TMOD3: variants seen among roughly 807,000 people sequenced by gnomAD.
The protein encoded by TMOD3 is tropomodulin 3, also known as tropomodulin-3.
Under a neutral mutation model 39.2 loss-of-function variants are expected in TMOD3, and 20 were observed. The ratio of observed to expected loss-of-function variants is 0.51; its 90% CI spans 0.36 to 0.74. The LOEUF is 0.74. Ranked by LOEUF, TMOD3 falls within the 30% of genes least tolerant of loss-of-function variation. The pLI is 0.00. For missense variants in TMOD3, 381 were observed against 412.8 expected (o/e 0.92, Z 0.67); for synonymous variants, 143 against 145.8 (o/e 0.98, Z 0.14).
At chr15:51,833,241 A>G (rs923964225) in intron 1 of TMOD3, 5 of 152,246 alleles carry the variant, frequency 3.3e-5, no homozygotes, top group Admixed American at 2.6e-4. Flanking sequence ...TACAATGATC[A>G]AAGAATAGAA....
chr15:51,860,609 A>T, intron 1 of TMOD3: 2 of 549,198 alleles, frequency 3.6e-6, no homozygotes, highest in South Asian at 2.8e-5. Context: ...ATACCTTGCT[A>T]AGTTGAGTTT....
intron 9 of TMOD3, among the ~76,000 whole-genome samples, chr15:51,904,529 C>T (rs2056668218): frequency 6.6e-6 from 1 of 152,168 alleles, no homozygotes; most frequent in Non-Finnish European, 1.5e-5. Context: ...TGGAAACTAC[C>T]TTAACAAGCC....
rs1470666725 is a variant in TMOD3 at position 51,889,074 on chromosome 15, A to G, written c.425A>G (p.Asn142Ser). The stretch of plus-strand genomic sequence containing the variant: ...TTTATAGCAATTCTTGGGATGCACA[A>G]TTTGATAACGAATACAAAGTTCTGT... ...CDLAAILGMH[N>S]LITNTKFCNI... Residue 142 changes from asparagine to serine, a missense_variant, in exon 5 of 10, where the codon AAT (asparagine) becomes AGT (serine). Physicochemically the swap from Asn to Ser is conservative, Grantham distance 46. Coordinates refer to ENST00000308580, the MANE Select transcript of TMOD3 (RefSeq NM_014547.5). 2.5e-6 allele frequency: 4 copies of G among 1,584,886 alleles called. No individual in the cohort carries two copies. The African/African-American group carries it at 4.1e-5, about 16-fold the overall frequency.
At chr15:51,889,641 A>C (rs2056582352) in intron 5 of TMOD3, among the ~76,000 whole-genome samples, 1 of 152,128 alleles carries the variant, frequency 6.6e-6, no homozygotes, top group Non-Finnish European at 1.5e-5. Flanking sequence ...AGGCTGAGGC[A>C]GGAGGATTGC....
chr15:51,884,292 A>G (rs2056548845), intron 3 of TMOD3, among the ~76,000 whole-genome samples: 1 of 152,254 alleles, frequency 6.6e-6, no homozygotes, highest in Non-Finnish European at 1.5e-5. Flanking sequence ...GGATGCAGGG[A>G]TGAACAGAAC....
chr15:51,883,702 G>T (rs1207356353), intron 3 of TMOD3, among the ~76,000 whole-genome samples: 22 of 152,158 alleles, frequency 1.4e-4, no homozygotes, highest in Non-Finnish European at 3.2e-4. Context: ...TGCCCATGCA[G>T]CATACAAGAT....
intron 3 of TMOD3, among the ~76,000 whole-genome samples, chr15:51,871,862 G>A (rs1236309647): frequency 6.6e-6 from 1 of 152,138 alleles, no homozygotes; most frequent in Non-Finnish European, 1.5e-5. Flanking sequence ...AGTTGAACAA[G>A]TAATTTTACA....
At chr15:51,861,340 G>C in intron 1 of TMOD3, 1 of 220,178 alleles carries the variant, frequency 4.5e-6, no homozygotes, top group South Asian at 7.4e-5. Flanking sequence ...CCGCGAACAC[G>C]TGCAGGAAGC....
intron 1 of TMOD3, among the ~76,000 whole-genome samples, chr15:51,848,768 C>A (rs1397619772): frequency 6.6e-6 from 1 of 152,178 alleles, no homozygotes; most frequent in Non-Finnish European, 1.5e-5. Context: ...AAGTTTTCTT[C>A]AGCATGAAAG....
chr15:51,872,569 A>G (rs1024691218), intron 3 of TMOD3, among the ~76,000 whole-genome samples: 7 of 147,618 alleles, frequency 4.7e-5, no homozygotes, highest in Non-Finnish European at 9.0e-5. Context: ...TGGCATGCCT[A>G]TGTCATATAT....
In TMOD3 at chr15:51,911,646, T is replaced by G. The variant is rs780827572; in HGVS notation, c.*2836T>G. The stretch of plus-strand genomic sequence containing the variant: ...GTTATTTAAAAGAATATTCTTTGTG[T>G]TTTTAAATTGCTATTTTTAAAAAAG... On this transcript the variant is annotated 3_prime_UTR_variant, in exon 10 of 10. Coordinates refer to ENST00000308580, the MANE Select transcript of TMOD3 (RefSeq NM_014547.5). 8 of 152,206 alleles carry G rather than the reference T, an allele frequency of 5.3e-5. No homozygotes were observed. The East Asian group carries it at 1.3e-3, about 26-fold the overall frequency. 9.4% of individuals were successfully genotyped at this position (152,206 alleles called of 1,614,324 possible). A position where few individuals can be genotyped will look rare whatever the true frequency, so the allele number is the denominator to read the frequency against.
Position 51,862,990 on chromosome 15 carries a change from T to C in TMOD3, c.106T>C (p.Leu36=), listed in dbSNP as rs774133752. The C allele has an allele frequency of 1.9e-6, 3 of 1,613,486 alleles. No individual in the cohort carries two copies. The change falls in exon 2 of 10, where the codon TTG becomes CTG. Residue 36 remains leucine (L), a synonymous_variant. Coordinates refer to ENST00000308580, the MANE Select transcript of TMOD3 (RefSeq NM_014547.5). The part of the protein sequence containing the change: ...ETELKQLETV[L]DDLDPENALL... ...AGAACTGAAACAACTGGAAACTGTT[T>C]TGGATGATCTTGACCCCGAGGTAGG...
At chr15:51,837,289 GTA>G (rs2056291053) in intron 1 of TMOD3, among the ~76,000 whole-genome samples, 1 of 152,096 alleles carries the variant, frequency 6.6e-6, no homozygotes, top group African/African-American at 2.4e-5. Flanking sequence ...CCCCTCAAAT[GTA>G]TATGAGTCTG....
chr15:51,887,813 A>C lies in TMOD3; in HGVS notation c.406+102A>C, dbSNP rs1044135789. 2.8e-6 allele frequency: 4 copies of C among 1,428,944 alleles called. No homozygotes were observed. The African/African-American group carries it at 4.4e-5, about 16-fold the overall frequency. The allele number at this position is 1,428,944 out of a possible 1,614,324, so 88.5% of individuals were successfully genotyped here. A position where few individuals can be genotyped will look rare whatever the true frequency, so the allele number is the denominator to read the frequency against. Reference sequence around the variant, plus strand: ...ATACAAACGTTTGCTTTACCTAGCAAGTACTGTTAAATCAGTAACCACATA... The same window carrying C: ...ATACAAACGTTTGCTTTACCTAGCACGTACTGTTAAATCAGTAACCACATA... On this transcript the variant is annotated intron_variant, in intron 4 of 9. Coordinates refer to ENST00000308580, the MANE Select transcript of TMOD3 (RefSeq NM_014547.5).
chr15:51,898,305 T>G (rs1462595026), intron 7 of TMOD3, among the ~76,000 whole-genome samples: 1 of 152,248 alleles, frequency 6.6e-6, no homozygotes, highest in African/African-American at 2.4e-5. Flanking sequence ...CTTTGTCTTA[T>G]CACTTTGACT....
At chr15:51,878,410 A>T (rs1270382086) in intron 3 of TMOD3, among the ~76,000 whole-genome samples, 3 of 83,152 alleles carry the variant, frequency 3.6e-5, no homozygotes, top group Non-Finnish European at 8.2e-5. Flanking sequence ...GTGTGTGTAA[A>T]ACTTGTTTCA....
chr15:51,877,455 G>A (rs1173116003), intron 3 of TMOD3, among the ~76,000 whole-genome samples: 2 of 152,080 alleles, frequency 1.3e-5, no homozygotes, highest in African/African-American at 4.8e-5. Context: ...CGAGGCAGGT[G>A]GATCACGAGG....
intron 1 of TMOD3, among the ~76,000 whole-genome samples, chr15:51,839,700 A>G (rs1402134944): frequency 6.6e-6 from 1 of 152,064 alleles, no homozygotes; most frequent in Non-Finnish European, 1.5e-5. Context: ...TTTGTACACC[A>G]CCACACCTGG....
At chr15:51,872,367 TGG>T (rs1467069783) in intron 3 of TMOD3, among the ~76,000 whole-genome samples, 1 of 151,680 alleles carries the variant, frequency 6.6e-6, no homozygotes, top group Non-Finnish European at 1.5e-5. Context: ...TACTCCAGCC[TGG>T]GCGACAGAGT....
Sources: gnomAD v4.1 joint callset for allele counts (sites outside exome capture counted in the v4.1 genomes callset) on GRCh38, gnomAD v4.1.1 for gene constraint, MANE v1.5 for transcripts, NCBI Gene and HGNC (gene_info 2026-07-23, HGNC 2026-07-21) for gene names.